The following RALYL variants were observed in gnomAD, a reference collection of about 807,000 sequenced individuals.
RALYL encodes RALY RNA binding protein like.
A neutral mutation model predicts 35.1 loss-of-function variants in RALYL; 29 were observed. That is an observed-to-expected ratio of 0.83 (90% CI 0.61 to 1.13). The LOEUF (loss-of-function observed/expected upper bound fraction) is 1.13. RALYL is among the 50% of genes most tolerant of loss of function. RALYL has a pLI of 0.00. For synonymous variants in RALYL, 120 were observed against 127.6 expected (o/e 0.94, Z 0.40); for missense variants, 359 against 360.4 (o/e 1.00, Z 0.03).
chr8:84,758,605 C>T (rs182445094), intron 2 of RALYL, among the ~76,000 whole-genome samples: 9 of 151,814 alleles, frequency 5.9e-5, no homozygotes, highest in East Asian at 3.9e-4. Flanking sequence ...TTCTTCACCA[C>T]GTGGCCTTCC....
intron 1 of RALYL, among the ~76,000 whole-genome samples, chr8:84,274,065 C>G (rs10504799): frequency 0.036 from 5,491 of 152,016 alleles, 123 homozygotes; most frequent in East Asian, 0.12. Context: ...TTTCATTAAC[C>G]TTTTGTGATG....
At chr8:84,827,351 A>T (rs1369912980) in intron 4 of RALYL, among the ~76,000 whole-genome samples, 2 of 152,122 alleles carry the variant, frequency 1.3e-5, no homozygotes, top group Non-Finnish European at 2.9e-5. Context: ...ACCCAAACTA[A>T]AACAGTTTAC....
intron 1 of RALYL, among the ~76,000 whole-genome samples, chr8:84,208,587 C>T (rs991227495): frequency 1.4e-4 from 21 of 152,106 alleles, no homozygotes; most frequent in African/African-American, 3.9e-4. Context: ...AGCTGGCAGG[C>T]AGGTGACCTG....
At chr8:84,729,320 A>AT (rs1845654393) in intron 2 of RALYL, among the ~76,000 whole-genome samples, 1 of 152,094 alleles carries the variant, frequency 6.6e-6, no homozygotes, top group Admixed American at 6.6e-5. Context: ...TTGTACACTG[A>AT]TTTTGTATCC....
intron 6 of RALYL, among the ~76,000 whole-genome samples, chr8:84,870,261 ATTTT>A (rs200284241): frequency 7.0e-6 from 1 of 142,454 alleles, no homozygotes; most frequent in African/African-American, 2.6e-5. Flanking sequence ...TTTGTGTATA[ATTTT>A]TTTTTTTTTT....
At chr8:84,434,741 C>T (rs114581298) in intron 1 of RALYL, among the ~76,000 whole-genome samples, 57 of 152,130 alleles carry the variant, frequency 3.7e-4, no homozygotes, top group African/African-American at 1.3e-3. Flanking sequence ...ACTACCTGAG[C>T]TCGAGTAATT....
intron 2 of RALYL, among the ~76,000 whole-genome samples, chr8:84,538,607 A>G (rs990359583): frequency 1.3e-5 from 2 of 152,198 alleles, no homozygotes; most frequent in South Asian, 2.1e-4. Flanking sequence ...GTAAAATAAT[A>G]AAACAAAATA....
intron 1 of RALYL, among the ~76,000 whole-genome samples, chr8:84,218,255 C>A (rs1420330688): frequency 6.6e-6 from 1 of 151,902 alleles, no homozygotes; most frequent in Admixed American, 6.6e-5. Context: ...GAAGAAGTAA[C>A]CTTATATAAT....
intron 8 of RALYL, among the ~76,000 whole-genome samples, chr8:84,920,337 T>A (rs776001712): frequency 1.3e-5 from 2 of 152,112 alleles, no homozygotes; most frequent in Non-Finnish European, 2.9e-5. Context: ...ACCAATTGAA[T>A]TTGGGCTCTT....
At chr8:84,595,179 T>G (rs1814200557) in intron 2 of RALYL, among the ~76,000 whole-genome samples, 1 of 152,124 alleles carries the variant, frequency 6.6e-6, no homozygotes, top group African/African-American at 2.4e-5. Context: ...AAAATAATAA[T>G]TCTGCCATGA....
intron 1 of RALYL, among the ~76,000 whole-genome samples, chr8:84,468,404 G>A (rs1386561369): frequency 1.4e-4 from 21 of 151,080 alleles, no homozygotes; most frequent in Admixed American, 1.4e-3. Context: ...CACTTATGAA[G>A]CTTAGTTTGG....
intron 8 of RALYL, among the ~76,000 whole-genome samples, chr8:84,906,386 A>G (rs1846495896): frequency 6.6e-6 from 1 of 152,178 alleles, no homozygotes; most frequent in Non-Finnish European, 1.5e-5. Context: ...TTCATTTGAT[A>G]AATACCAGGG....
rs140633922 is a variant in RALYL at position 84,448,413 on chromosome 8, G to A, written c.-23-80886G>A. On this transcript the variant is annotated intron_variant, in intron 1 of 8. Coordinates refer to ENST00000521268, the MANE Select transcript of RALYL (RefSeq NM_173848.7). ...ATGGACAATTTCAATTTGATAACTC[G>A]TTAAAAATAATGTTAGTTTTTAAAA... Among the ~76,000 whole-genome samples the A allele has an allele frequency of 2.9e-3, 440 of 152,086 alleles. 1 individual carries two copies. Among genetic ancestry groups the A allele is most frequent in the African/African-American group, 0.01 (420 of 41,510 alleles).
intron 2 of RALYL, among the ~76,000 whole-genome samples, chr8:84,677,390 C>G (rs1163718944): frequency 6.6e-6 from 1 of 152,088 alleles, no homozygotes; most frequent in African/African-American, 2.4e-5. Flanking sequence ...TAAACCTGGT[C>G]ATTGTACTAC....
In RALYL at chr8:84,709,510, A is replaced by T. The variant is rs138545499; in HGVS notation, c.257-65069A>T. On this transcript the variant is annotated intron_variant, in intron 2 of 8. Transcript: ENST00000521268. ...GTTTAATAAAAACAAATGTATTTAA[A>T]AGGTGGTGTACTGCATTTGTAATAG... Among the ~76,000 whole-genome samples, 576 of 152,230 alleles carry T rather than the reference A, an allele frequency of 3.8e-3. 4 individuals are homozygous for T. The highest frequency in any genetic ancestry group is 0.013 in the African/African-American group (530 of 41,550).
chr8:84,433,195 C>T (rs374534405), intron 1 of RALYL, among the ~76,000 whole-genome samples: 1 of 152,062 alleles, frequency 6.6e-6, no homozygotes, highest in African/African-American at 2.4e-5. Context: ...TGTAGTCCTT[C>T]AGGAGACAAA....
At chr8:84,607,170 T>TC (rs1817323577) in intron 2 of RALYL, among the ~76,000 whole-genome samples, 4 of 152,118 alleles carry the variant, frequency 2.6e-5, no homozygotes, top group African/African-American at 9.6e-5. Context: ...TCCTTCTCTT[T>TC]TCCCCCCCCT....
At chr8:84,461,901 T>G (rs1259553376) in intron 1 of RALYL, among the ~76,000 whole-genome samples, 1 of 151,610 alleles carries the variant, frequency 6.6e-6, no homozygotes, top group African/African-American at 2.4e-5. Context: ...AGTATGGATA[T>G]GCTATTATTA....
At chr8:84,877,063 C>T (rs1403732585) in intron 7 of RALYL, among the ~76,000 whole-genome samples, 1 of 152,200 alleles carries the variant, frequency 6.6e-6, no homozygotes, top group African/African-American at 2.4e-5. Context: ...ATGTCTGAGA[C>T]TCCCATTGCA....
Sources: allele counts gnomAD v4.1 joint callset (sites outside exome capture counted in the v4.1 genomes callset), GRCh38; gene constraint gnomAD v4.1.1; transcripts MANE v1.5; gene names NCBI Gene and HGNC (gene_info 2026-07-23, HGNC 2026-07-21).